Variants in NOL10 observed in about 807,000 individuals in gnomAD.
NOL10 encodes the protein H_NH0074G24.1.
In NOL10, 58 loss-of-function variants were observed where a neutral mutation model predicts 103.5. The ratio of observed to expected loss-of-function variants is 0.56; its 90% CI spans 0.45 to 0.70. The LOEUF is 0.70. Among genes scored for constraint, NOL10 ranks in the 30% least tolerant of loss-of-function variants. NOL10 has a pLI of 0.00. For synonymous variants in NOL10, 287 were observed against 282.5 expected, an observed-to-expected ratio of 1.02 and a Z score of -0.16; for missense variants, 763 against 807.3, an observed-to-expected ratio of 0.95 and a Z score of 0.67.
Position 10,671,650 on chromosome 2 carries a change from G to T in NOL10, c.368C>A (p.Ser123Ter). 1 of 1,580,424 alleles carries T rather than the reference G, an allele frequency of 6.3e-7. No individual in the cohort carries two copies. The highest frequency in any genetic ancestry group is 8.6e-7 in the Non-Finnish European group (1 of 1,160,682). ...LHNDRYIEFH[S>*]QSGFYYKTRI... Reference sequence around the variant, plus strand: ...GGTTTTGTAGTAAAAACCTGATTGCGAATGAAATTCAATGTATCTATCATT... The same window carrying T: ...GGTTTTGTAGTAAAAACCTGATTGCTAATGAAATTCAATGTATCTATCATT... The change falls in exon 6 of 21, where the codon TCG becomes TAG. Residue 123 changes from serine (S) to a stop codon, truncating the protein, a stop_gained. Transcript: ENST00000381685. LOFTEE classifies it high-confidence loss of function.
chr2:10,614,444 T>A (rs560749669), intron 13 of NOL10, among the ~76,000 whole-genome samples: 3 of 152,264 alleles, frequency 2.0e-5, no homozygotes, highest in Admixed American at 2.0e-4. Flanking sequence ...TTGAAACAAA[T>A]AACTTTTTGC....
chr2:10,667,956 C>T (rs1477127740), intron 7 of NOL10, among the ~76,000 whole-genome samples: 1 of 152,156 alleles, frequency 6.6e-6, no homozygotes, highest in Admixed American at 6.5e-5. Context: ...ACGAGAAATT[C>T]AGCAAGCTCT....
intron 19 of NOL10, among the ~76,000 whole-genome samples, chr2:10,583,294 T>C (rs1674856035): frequency 6.6e-6 from 1 of 152,216 alleles, no homozygotes; most frequent in Admixed American, 6.5e-5. Context: ...AGGTGTATGG[T>C]ATGGATTTTA....
chr2:10,594,054 T>A lies in NOL10; in HGVS notation c.1423-4303A>T, dbSNP rs578154000. ...ATTCCTCACTGCCAAAAAATAACTA[T>A]GGATCATGGCAGGAAAAACTAATTG... is the stretch of plus-strand genomic sequence containing the variant. On this transcript the variant is annotated intron_variant, in intron 17 of 20. Transcript: ENST00000381685. 4.0e-4 allele frequency among the ~76,000 whole-genome samples: 61 copies of A among 152,284 alleles called. 1 individual carries two copies. Among genetic ancestry groups the A allele is most frequent in the African/African-American group, 1.4e-3 (59 of 41,562 alleles).
chr2:10,669,662 G>C (rs931728152), intron 6 of NOL10, among the ~76,000 whole-genome samples: 5 of 150,962 alleles, frequency 3.3e-5, no homozygotes, highest in Non-Finnish European at 7.4e-5. Context: ...GGGAGGCTGA[G>C]GTGGGCGGAT....
intron 9 of NOL10, among the ~76,000 whole-genome samples, chr2:10,662,360 G>C (rs950379044): frequency 6.6e-6 from 1 of 152,192 alleles, no homozygotes; most frequent in Non-Finnish European, 1.5e-5. Flanking sequence ...GCTGAGGAGA[G>C]TGAGCAATGT....
intron 3 of NOL10, among the ~76,000 whole-genome samples, chr2:10,676,638 CTTT>C (rs1281732474): frequency 4.4e-5 from 6 of 135,284 alleles, no homozygotes; most frequent in Admixed American, 2.2e-4. Flanking sequence ...GGCACTTTGT[CTTT>C]TTTTTTTTTT....
Position 10,592,027 on chromosome 2 carries a change from C to A in NOL10, c.1423-2276G>T, listed in dbSNP as rs12105752. ...ACAAACAAACAAACAAACAAACAAACCAACCCAAAATTGTGCTTCAAAAGT... is the reference window on the plus strand; with the variant it reads ...ACAAACAAACAAACAAACAAACAAAACAACCCAAAATTGTGCTTCAAAAGT... On this transcript the variant is annotated intron_variant, in intron 17 of 20. Coordinates refer to ENST00000381685, the MANE Select transcript of NOL10 (RefSeq NM_024894.4). 3.8e-3 allele frequency among the ~76,000 whole-genome samples: 245 copies of A among 65,076 alleles called. 2 individuals carry two copies. Among genetic ancestry groups the A allele is most frequent in the African/African-American group, 0.011 (214 of 20,280 alleles). 42.7% of individuals were successfully genotyped at this position (65,076 alleles called of 152,430 possible).
intron 19 of NOL10, among the ~76,000 whole-genome samples, chr2:10,578,027 AAT>A (rs1295945726): frequency 1.3e-5 from 2 of 152,210 alleles, no homozygotes; most frequent in African/African-American, 4.8e-5. Context: ...TACTAAAATC[AAT>A]CATATTTCTG....
At chr2:10,591,379 G>C (rs905366804) in intron 17 of NOL10, among the ~76,000 whole-genome samples, 2 of 152,148 alleles carry the variant, frequency 1.3e-5, no homozygotes, top group African/African-American at 4.8e-5. Context: ...GGGGCCCTGG[G>C]GGGTGCAGCA....
At chr2:10,596,708 C>T (rs1005531585) in intron 17 of NOL10, among the ~76,000 whole-genome samples, 2 of 152,092 alleles carry the variant, frequency 1.3e-5, no homozygotes, top group Non-Finnish European at 2.9e-5. Context: ...GGTTGGAGAC[C>T]CCTGGCCTAG....
At position 10,603,017 on chromosome 2, in the gene NOL10, G is replaced by A. The variant is rs569096936; in HGVS notation, c.1233+61C>T. 2.5e-5 allele frequency: 34 copies of A among 1,375,250 alleles called. 1 individual carries two copies. Among genetic ancestry groups the A allele is most frequent in the East Asian group, 2.4e-4 (10 of 41,514 alleles). The allele number at this position is 1,375,250 out of a possible 1,614,324, so 85.2% of individuals were successfully genotyped here. ...GATTTATGAAAGTGCGAGTAGTGAG[G>A]AAATGGCCACAGACTGCGCATTAGT... On this transcript the variant is annotated intron_variant, in intron 15 of 20. Transcript: ENST00000381685.
In NOL10 at chr2:10,589,720, A is replaced by T; in HGVS notation, c.1454T>A (p.Phe485Tyr). 1 of 1,565,342 alleles carries T rather than the reference A, an allele frequency of 6.4e-7. No individual in the cohort carries two copies. ...GTCAGGGTTCTCAAACATAACTTTA[A>T]ATCGATCATCGGTGAGAATATTAGG... is the stretch of plus-strand genomic sequence containing the variant. ...SLPNILTDDR[F>Y]KVMFENPDFQ... Residue 485 changes from phenylalanine (F) to tyrosine (Y), a missense_variant, in exon 18 of 21, where the codon TTT becomes TAT. Physicochemically the swap from Phe to Tyr is conservative, Grantham distance 22. Coordinates refer to ENST00000381685, the MANE Select transcript of NOL10 (RefSeq NM_024894.4).
At position 10,673,556 on chromosome 2, in the gene NOL10, A is replaced by G; in HGVS notation, c.291T>C (p.Val97=). The G allele has an allele frequency of 6.3e-7, 1 of 1,586,312 alleles. No individual in the cohort carries two copies. The highest frequency in any genetic ancestry group is 8.6e-7 in the Non-Finnish European group (1 of 1,162,138). The part of the protein sequence containing the change: ...LKFERCLDSE[V]VTFEILSDDY... Reference sequence around the variant, plus strand: ...CATCAGACAAAATTTCAAAGGTGACAACTGAAAAACAAGAAATAGGAAAAA... The same window carrying G: ...CATCAGACAAAATTTCAAAGGTGACGACTGAAAAACAAGAAATAGGAAAAA... Residue 97 remains valine, a splice_region_variant and synonymous_variant, in exon 5 of 21, where the codon GTT becomes GTC. Coordinates refer to ENST00000381685, the MANE Select transcript of NOL10 (RefSeq NM_024894.4).
At chr2:10,660,855 T>C (rs1216432104) in intron 9 of NOL10, among the ~76,000 whole-genome samples, 1 of 151,910 alleles carries the variant, frequency 6.6e-6, no homozygotes, top group African/African-American at 2.4e-5. Flanking sequence ...ACACTTACAC[T>C]TATTGCCTTC....
intron 1 of NOL10, among the ~76,000 whole-genome samples, chr2:10,688,267 G>A (rs962358960): frequency 3.3e-5 from 5 of 152,198 alleles, no homozygotes; most frequent in Non-Finnish European, 2.9e-5. Flanking sequence ...GACATTTGTC[G>A]CACAGCAGCC....
intron 14 of NOL10, among the ~76,000 whole-genome samples, chr2:10,603,547 G>T (rs771139248): frequency 4.6e-5 from 7 of 152,066 alleles, no homozygotes; most frequent in Non-Finnish European, 8.8e-5. Flanking sequence ...CATTGTCATC[G>T]ACCATTTGCA....
intron 13 of NOL10, among the ~76,000 whole-genome samples, chr2:10,624,975 A>G (rs1338339694): frequency 2.0e-5 from 3 of 152,244 alleles, no homozygotes; most frequent in Non-Finnish European, 4.4e-5. Context: ...ACAAACAGAC[A>G]TGGAGGAATC....
intron 12 of NOL10, among the ~76,000 whole-genome samples, chr2:10,645,414 C>T (rs563348944): frequency 9.9e-5 from 15 of 152,172 alleles, no homozygotes; most frequent in African/African-American, 3.1e-4. Flanking sequence ...ATATTTTTTG[C>T]TGCCTTTCCT....
Sources: allele counts gnomAD v4.1 joint callset (sites outside exome capture counted in the v4.1 genomes callset), GRCh38; gene constraint gnomAD v4.1.1; transcripts MANE v1.5; gene names NCBI Gene and HGNC (gene_info 2026-07-23, HGNC 2026-07-21).